The following ENTHD1 variants were observed in gnomAD, a reference collection of about 807,000 sequenced individuals.
ENTHD1 encodes ENTH domain containing 1, also known as ENTH domain-containing protein 1.
In ENTHD1, 23 loss-of-function variants were observed where a neutral mutation model predicts 39.1. The ratio of observed to expected loss-of-function variants is 0.59; its 90% CI spans 0.42 to 0.83. ENTHD1 has a LOEUF of 0.83. Ranked by LOEUF, ENTHD1 falls within the 40% of genes least tolerant of loss-of-function variation. The pLI, the probability that ENTHD1 is intolerant of heterozygous loss-of-function variation, is 0.00. For synonymous variants in ENTHD1, 230 were observed against 258.2 expected, an observed-to-expected ratio of 0.89 and a Z score of 1.05; for missense variants, 624 against 705.4, an observed-to-expected ratio of 0.88 and a Z score of 1.31.
In ENTHD1 at chr22:39,837,037, A is replaced by G. The variant is rs375805811; in HGVS notation, c.593-1079T>C. On this transcript the variant is annotated intron_variant, in intron 3 of 6. Transcript: ENST00000325157. ...TAATACAACCAGTGAAAATAAACTG[A>G]TATTTCTGTTTATATCTTTTTGCTA... Among the ~76,000 whole-genome samples the G allele has an allele frequency of 1.2e-4, 19 of 152,294 alleles. No individual in the cohort carries two copies. The East Asian group carries it at 3.7e-3, about 29-fold the overall frequency.
intron 1 of ENTHD1, among the ~76,000 whole-genome samples, chr22:39,892,036 C>G (rs1379890782): frequency 1.3e-5 from 2 of 152,060 alleles, no homozygotes; most frequent in Non-Finnish European, 2.9e-5. Context: ...TCATAATTGT[C>G]AAGTAAAATT....
chr22:39,880,470 A>C (rs1229100675), intron 2 of ENTHD1, among the ~76,000 whole-genome samples: 1 of 152,168 alleles, frequency 6.6e-6, no homozygotes, highest in African/African-American at 2.4e-5. Flanking sequence ...AAAGTAAGCT[A>C]TGGACTTTGG....
chr22:39,835,924 A>G lies in ENTHD1; in HGVS notation c.627T>C (p.His209=). 6.2e-7 allele frequency: 1 copy of G among 1,609,340 alleles called. No homozygotes were observed. Among genetic ancestry groups the G allele is most frequent in the Non-Finnish European group, 8.5e-7 (1 of 1,177,518 alleles). ...NVCKAGLKQE[H]CQDVHLPTET... is the part of the protein sequence containing the mutation. ...CTGTAGGCAAATGAACATCTTGGCAATGCTCTTGTTTCAATCCTGCCTTGC... is the reference window on the plus strand; with the variant it reads ...CTGTAGGCAAATGAACATCTTGGCAGTGCTCTTGTTTCAATCCTGCCTTGC... The change falls in exon 4 of 7, where the codon CAT becomes CAC. Residue 209 remains histidine, a synonymous_variant. Coordinates refer to ENST00000325157, the MANE Select transcript of ENTHD1 (RefSeq NM_152512.4).
Position 39,841,907 on chromosome 22 carries a change from C to T in ENTHD1, c.593-5949G>A, listed in dbSNP as rs1305164833. On this transcript the variant is annotated intron_variant, in intron 3 of 6. Transcript: ENST00000325157. ...TCCTTTCCATGTTTAGTGCTTCCTT[C>T]AGGAGCTCTTTTAGGGCAGGCCTGG... 2.4e-4 allele frequency among the ~76,000 whole-genome samples: 36 copies of T among 151,854 alleles called. No homozygotes were observed. The East Asian group carries it at 6.9e-3, about 29-fold the overall frequency.
chr22:39,779,572 A>G (rs1476339701), intron 5 of ENTHD1, among the ~76,000 whole-genome samples: 2 of 152,082 alleles, frequency 1.3e-5, no homozygotes, highest in Non-Finnish European at 2.9e-5. Context: ...AAAAAAAGAA[A>G]TTTGAAGGTA....
In ENTHD1 at chr22:39,821,087, A is replaced by G. The variant is rs747420037; in HGVS notation, c.738T>C (p.Asp246=). 1 of 1,614,122 alleles carries G rather than the reference A, an allele frequency of 6.2e-7. No homozygotes were observed. Among genetic ancestry groups the G allele is most frequent in the East Asian group, 2.2e-5 (1 of 44,862 alleles). Residue 246 remains aspartate, a synonymous_variant, in exon 5 of 7, where the codon GAT becomes GAC. Transcript: ENST00000325157. The stretch of plus-strand genomic sequence containing the variant: ...GTGTTGCTAGTAAAGGCAGCTCTGG[A>G]TCATCATCCAAAAATGTCATCAGGT... ...TEDLMTFLDD[D]PELPLLATPP... is the part of the protein sequence containing the mutation.
At chr22:39,832,520 T>C (rs2146670451) in intron 4 of ENTHD1, among the ~76,000 whole-genome samples, 1 of 152,226 alleles carries the variant, frequency 6.6e-6, no homozygotes, top group East Asian at 1.9e-4. Context: ...GAAAAAGTGT[T>C]CAAGGAGATG....
intron 5 of ENTHD1, among the ~76,000 whole-genome samples, chr22:39,790,706 C>T (rs1255872536): frequency 2.6e-5 from 4 of 152,116 alleles, no homozygotes; most frequent in Non-Finnish European, 4.4e-5. Flanking sequence ...GAATCAGACC[C>T]TGACTACACT....
chr22:39,876,463 C>A (rs918699405), intron 2 of ENTHD1, among the ~76,000 whole-genome samples: 14 of 146,462 alleles, frequency 9.6e-5, no homozygotes, highest in Non-Finnish European at 1.6e-4. Context: ...GCGTCAGGGA[C>A]GCAGATTCTG....
At chr22:39,872,681 T>C (rs750136437) in intron 2 of ENTHD1, among the ~76,000 whole-genome samples, 4 of 152,112 alleles carry the variant, frequency 2.6e-5, no homozygotes, top group Non-Finnish European at 4.4e-5. Context: ...TCCCTGAGTG[T>C]TGGAGGATAC....
At chr22:39,794,528 C>T (rs866668280) in intron 5 of ENTHD1, among the ~76,000 whole-genome samples, 27 of 151,934 alleles carry the variant, frequency 1.8e-4, no homozygotes, top group Non-Finnish European at 1.2e-4. Flanking sequence ...CTTGGCCGGG[C>T]GCAGTGGCTC....
chr22:39,878,569 T>C (rs2066309767), intron 2 of ENTHD1, among the ~76,000 whole-genome samples: 1 of 149,468 alleles, frequency 6.7e-6, no homozygotes, highest in Non-Finnish European at 1.5e-5. Context: ...AAGATAAGAA[T>C]TACATTCAAC....
chr22:39,841,134 T>C (rs75020282), intron 3 of ENTHD1, among the ~76,000 whole-genome samples: 14,927 of 152,258 alleles, frequency 0.098, 852 homozygotes, highest in Middle Eastern at 0.13. Context: ...ACAAGAATAG[T>C]ACAAAGAATG....
chr22:39,795,062 A>G (rs2065536671), intron 5 of ENTHD1, among the ~76,000 whole-genome samples: 1 of 152,142 alleles, frequency 6.6e-6, no homozygotes, highest in Non-Finnish European at 1.5e-5. Context: ...TGTGGTATAT[A>G]TTTATTGATT....
chr22:39,746,017 A>T (rs2065101901), intron 6 of ENTHD1, among the ~76,000 whole-genome samples: 1 of 152,150 alleles, frequency 6.6e-6, no homozygotes, highest in Non-Finnish European at 1.5e-5. Context: ...GACTATTTTC[A>T]CTCACTGAGG....
chr22:39,811,271 T>G (rs553376872), intron 5 of ENTHD1, among the ~76,000 whole-genome samples: 2 of 152,076 alleles, frequency 1.3e-5, no homozygotes, highest in African/African-American at 4.8e-5. Flanking sequence ...GCTGTCTCTA[T>G]TTACTGCCAG....
chr22:39,778,005 G>A (rs535693957), intron 5 of ENTHD1, among the ~76,000 whole-genome samples: 2 of 152,336 alleles, frequency 1.3e-5, no homozygotes, highest in South Asian at 4.1e-4. Context: ...ACAAGAGTAT[G>A]TGGCCATCAG....
chr22:39,790,785 C>A (rs2065497683), intron 5 of ENTHD1, among the ~76,000 whole-genome samples: 3 of 152,220 alleles, frequency 2.0e-5, no homozygotes, highest in Admixed American at 6.5e-5. Context: ...AAGCCTCTCT[C>A]ACTAGGGTTG....
At chr22:39,826,552 G>A (rs774860006) in intron 4 of ENTHD1, among the ~76,000 whole-genome samples, 3 of 151,742 alleles carry the variant, frequency 2.0e-5, no homozygotes, top group South Asian at 2.1e-4. Flanking sequence ...TACTGTAAGC[G>A]TTTAAAAAAA....
Sources: allele counts gnomAD v4.1 joint callset (sites outside exome capture counted in the v4.1 genomes callset), GRCh38; gene constraint gnomAD v4.1.1; transcripts MANE v1.5; gene names NCBI Gene and HGNC (gene_info 2026-07-23, HGNC 2026-07-21).